Variants in EPHA6 observed in about 807,000 individuals in gnomAD.
The protein encoded by EPHA6 is ephrin type-A receptor 6.
A neutral mutation model predicts 112.0 loss-of-function variants in EPHA6; 50 were observed. The observed-to-expected ratio is 0.45, with a 90% confidence interval of 0.36 to 0.56. EPHA6 has a LOEUF of 0.56. Among genes scored for constraint, EPHA6 ranks in the 20% least tolerant of loss-of-function variants. The pLI is 0.00. For missense variants in EPHA6, 1,280 were observed against 1,417.4 expected, an observed-to-expected ratio of 0.90 and a Z score of 1.56; for synonymous variants, 529 against 490.7, an observed-to-expected ratio of 1.08 and a Z score of -1.03.
intron 5 of EPHA6, among the ~76,000 whole-genome samples, chr3:97,248,571 G>A (rs2079045455): frequency 6.6e-6 from 1 of 152,098 alleles, no homozygotes. Context: ...CAATTCTGCT[G>A]ATATTTGCTA....
chr3:97,697,265 T>G (rs2033101961), intron 14 of EPHA6, among the ~76,000 whole-genome samples: 1 of 152,240 alleles, frequency 6.6e-6, no homozygotes, highest in Non-Finnish European at 1.5e-5. Context: ...TTCATTGTTT[T>G]TAAATTTCCT....
At chr3:97,283,909 C>T (rs1156812930) in intron 5 of EPHA6, among the ~76,000 whole-genome samples, 1 of 152,034 alleles carries the variant, frequency 6.6e-6, no homozygotes, top group African/African-American at 2.4e-5. Flanking sequence ...CACAATAAAG[C>T]AATTTTATTT....
intron 3 of EPHA6, among the ~76,000 whole-genome samples, chr3:97,100,970 CAAT>C (rs2047386574): frequency 6.6e-6 from 1 of 151,974 alleles, no homozygotes; most frequent in East Asian, 1.9e-4. Flanking sequence ...TAAAGATTAT[CAAT>C]AAAGTCTATA....
chr3:96,939,671 T>G (rs1422782796), intron 2 of EPHA6, among the ~76,000 whole-genome samples: 1 of 152,144 alleles, frequency 6.6e-6, no homozygotes, highest in African/African-American at 2.4e-5. Context: ...GCTCTTGCTT[T>G]TCTAGTTCTT....
chr3:97,131,770 A>G (rs558680144), intron 3 of EPHA6, among the ~76,000 whole-genome samples: 118 of 152,228 alleles, frequency 7.8e-4, no homozygotes, highest in African/African-American at 2.6e-3. Flanking sequence ...CTGTACTGTT[A>G]TTGCTACAAA....
Position 97,610,859 on chromosome 3 carries a change from G to A in EPHA6, c.2574+5G>A, listed in dbSNP as rs764947139. ...TCCCTAGACTCCTTTTTGCGGGTGA[G>A]GTGTTCTTTTCTGATGGCATTTAAA... On this transcript the variant is annotated splice_donor_5th_base_variant and intron_variant, in intron 13 of 17. Coordinates refer to ENST00000389672, the MANE Select transcript of EPHA6 (RefSeq NM_001080448.3). 5 of 1,605,880 alleles carry A rather than the reference G, an allele frequency of 3.1e-6. No homozygotes were observed. The highest frequency in any genetic ancestry group is 4.3e-6 in the Non-Finnish European group (5 of 1,173,728).
intron 3 of EPHA6, among the ~76,000 whole-genome samples, chr3:97,000,580 T>C (rs2043617125): frequency 6.6e-6 from 1 of 151,712 alleles, no homozygotes; most frequent in Non-Finnish European, 1.5e-5. Flanking sequence ...CACCTGTGGA[T>C]TTGTTGTTAT....
intron 2 of EPHA6, among the ~76,000 whole-genome samples, chr3:96,879,090 A>G (rs1323188398): frequency 4.6e-5 from 7 of 152,038 alleles, no homozygotes; most frequent in Non-Finnish European, 7.4e-5. Context: ...TAGGTTTAAG[A>G]CTTTGTAGGA....
chr3:96,994,611 A>T (rs1266282007), intron 3 of EPHA6, among the ~76,000 whole-genome samples: 1 of 151,224 alleles, frequency 6.6e-6, no homozygotes, highest in African/African-American at 2.4e-5. Context: ...TTTAGGATGA[A>T]TCTCATTAAG....
At chr3:96,981,589 T>C (rs13325899) in intron 2 of EPHA6, among the ~76,000 whole-genome samples, 26,175 of 152,026 alleles carry the variant, frequency 0.17, 3,909 homozygotes, top group African/African-American at 0.41. Flanking sequence ...GGGAGGATTC[T>C]CTCTTTTTCT....
chr3:97,638,212 TTTAA>T, intron 14 of EPHA6, 130 bp downstream of exon 14: 1 of 682,644 alleles, frequency 1.5e-6, no homozygotes, highest in Admixed American at 3.2e-5. Flanking sequence ...GATATCATTA[TTTAA>T]TTGAGAAGTA....
intron 10 of EPHA6, among the ~76,000 whole-genome samples, chr3:97,485,645 G>A (rs1267463912): frequency 6.6e-6 from 1 of 152,174 alleles, no homozygotes; most frequent in African/African-American, 2.4e-5. Context: ...ACCTGAAATG[G>A]AACCAGATTC....
intron 14 of EPHA6, among the ~76,000 whole-genome samples, chr3:97,671,022 G>C (rs1003344523): frequency 2.6e-5 from 4 of 152,092 alleles, no homozygotes; most frequent in African/African-American, 7.2e-5. Context: ...ATTAGCTTCT[G>C]TCAGGATCCT....
intron 3 of EPHA6, among the ~76,000 whole-genome samples, chr3:97,032,213 C>T (rs534805562): frequency 1.2e-4 from 19 of 152,126 alleles, no homozygotes; most frequent in African/African-American, 3.1e-4. Context: ...AACCAAACAC[C>T]GCGTGTTCTC....
intron 2 of EPHA6, among the ~76,000 whole-genome samples, chr3:96,932,965 G>T (rs2107661598): frequency 6.6e-6 from 1 of 152,180 alleles, no homozygotes; most frequent in Admixed American, 6.5e-5. Context: ...AACTTGGTAT[G>T]GGAAAGATAC....
At chr3:96,952,392 G>C (rs993482337) in intron 2 of EPHA6, among the ~76,000 whole-genome samples, 1 of 152,084 alleles carries the variant, frequency 6.6e-6, no homozygotes, top group Non-Finnish European at 1.5e-5. Context: ...CCTCATGAAG[G>C]GTTTAGTGCA....
intron 5 of EPHA6, among the ~76,000 whole-genome samples, chr3:97,333,475 T>C (rs961249789): frequency 4.3e-5 from 6 of 140,790 alleles, no homozygotes; most frequent in Non-Finnish European, 7.7e-5. Flanking sequence ...TTTCTTTTTT[T>C]TTTTTTTTTT....
intron 11 of EPHA6, among the ~76,000 whole-genome samples, chr3:97,586,626 G>A (rs1027900691): frequency 1.3e-5 from 2 of 152,096 alleles, no homozygotes; most frequent in Non-Finnish European, 2.9e-5. Context: ...GACAAAGTAA[G>A]GATAAATGAA....
At chr3:97,404,846 T>C (rs528379933) in intron 5 of EPHA6, among the ~76,000 whole-genome samples, 82 of 152,136 alleles carry the variant, frequency 5.4e-4, no homozygotes, top group Non-Finnish European at 1.0e-3. Context: ...ATGTTATAGC[T>C]CAAGACCAAA....
Sources: gnomAD v4.1 joint callset for allele counts (sites outside exome capture counted in the v4.1 genomes callset) on GRCh38, gnomAD v4.1.1 for gene constraint, MANE v1.5 for transcripts, NCBI Gene and HGNC (gene_info 2026-07-23, HGNC 2026-07-21) for gene names.